The following TOX variants were observed in gnomAD, a reference collection of about 807,000 sequenced individuals.
TOX encodes the protein thymocyte selection associated high mobility group box.
In TOX, 11 loss-of-function variants were observed where a neutral mutation model predicts 53.7. That is an observed-to-expected ratio of 0.20 (90% confidence interval 0.13 to 0.34). The LOEUF (loss-of-function observed/expected upper bound fraction) is 0.34, where lower values mean the gene tolerates loss of function less well. TOX is among the 10% of genes least tolerant of loss of function. The pLI, the probability that TOX is intolerant of heterozygous loss-of-function variation, is 1.00. For synonymous variants in TOX, 225 were observed against 245.3 expected (o/e 0.92, Z 0.77); for missense variants, 570 against 664.6 (o/e 0.86, Z 1.56).
chr8:59,073,432 G>A (rs1049774140), intron 1 of TOX, among the ~76,000 whole-genome samples: 1 of 152,136 alleles, frequency 6.6e-6, no homozygotes, highest in Non-Finnish European at 1.5e-5. Context: ...ATCAAGCAAA[G>A]CCACACGAAA....
intron 3 of TOX, among the ~76,000 whole-genome samples, chr8:58,869,097 C>T (rs915865292): frequency 9.9e-5 from 15 of 151,680 alleles, no homozygotes; most frequent in Admixed American, 6.6e-4. Context: ...CATGGTGGTG[C>T]GTGCCTGTAG....
At chr8:59,040,385 G>C (rs1296498845) in intron 1 of TOX, among the ~76,000 whole-genome samples, 1 of 147,676 alleles carries the variant, frequency 6.8e-6, no homozygotes, top group Admixed American at 6.7e-5. Flanking sequence ...AGAAAATTCA[G>C]AGATGGAATT....
chr8:58,946,708 A>G (rs1313819577), intron 2 of TOX, among the ~76,000 whole-genome samples: 1 of 152,202 alleles, frequency 6.6e-6, no homozygotes, highest in East Asian at 1.9e-4. Context: ...TGTGCTCATT[A>G]ATTTTTTTAA....
At chr8:58,887,620 T>C (rs1811491812) in intron 3 of TOX, among the ~76,000 whole-genome samples, 1 of 152,020 alleles carries the variant, frequency 6.6e-6, no homozygotes, top group Admixed American at 6.6e-5. Context: ...TGTGCTTTGC[T>C]CTTCTTCAAC....
At chr8:59,062,104 T>G (rs1803996092) in intron 1 of TOX, among the ~76,000 whole-genome samples, 1 of 152,176 alleles carries the variant, frequency 6.6e-6, no homozygotes, top group South Asian at 2.1e-4. Flanking sequence ...GATTCTTCTT[T>G]AACAGAACCA....
At chr8:59,089,567 C>T (rs181833262) in intron 1 of TOX, among the ~76,000 whole-genome samples, 1 of 152,292 alleles carries the variant, frequency 6.6e-6, no homozygotes, top group African/African-American at 2.4e-5. Context: ...AAACGCAAGG[C>T]TGACTTAATC....
At chr8:58,988,831 G>C (rs1314908162) in intron 1 of TOX, among the ~76,000 whole-genome samples, 2 of 152,192 alleles carry the variant, frequency 1.3e-5, no homozygotes, top group African/African-American at 2.4e-5. Context: ...CATGCCTAGA[G>C]CCAAACCAAT....
intron 1 of TOX, among the ~76,000 whole-genome samples, chr8:58,968,436 T>A (rs1812942477): frequency 6.6e-6 from 1 of 152,194 alleles, no homozygotes; most frequent in African/African-American, 2.4e-5. Context: ...CAGTTTCAAA[T>A]GATTGGTTCA....
intron 5 of TOX, among the ~76,000 whole-genome samples, chr8:58,836,663 G>A (rs1350254100): frequency 6.6e-6 from 1 of 152,072 alleles, no homozygotes; most frequent in African/African-American, 2.4e-5. Flanking sequence ...GAGAATGGAG[G>A]GACCTGGAAG....
At chr8:59,034,710 C>T (rs1814422702) in intron 1 of TOX, among the ~76,000 whole-genome samples, 1 of 152,164 alleles carries the variant, frequency 6.6e-6, no homozygotes, top group African/African-American at 2.4e-5. Flanking sequence ...TCCCCTTTTG[C>T]ATTTGGATGT....
At chr8:58,830,480 C>T (rs867945807) in intron 5 of TOX, among the ~76,000 whole-genome samples, 19 of 152,208 alleles carry the variant, frequency 1.2e-4, no homozygotes, top group East Asian at 3.9e-4. Flanking sequence ...CGTTTTCATA[C>T]GCTTATAATC....
intron 1 of TOX, among the ~76,000 whole-genome samples, chr8:59,029,665 C>A (rs1814316133): frequency 6.6e-6 from 1 of 152,114 alleles, no homozygotes; most frequent in Non-Finnish European, 1.5e-5. Flanking sequence ...TAGCAATTTT[C>A]TGTTAGTACC....
chr8:58,994,004 C>T (rs865977647), intron 1 of TOX, among the ~76,000 whole-genome samples: 12 of 152,128 alleles, frequency 7.9e-5, no homozygotes, highest in Admixed American at 2.0e-4. Flanking sequence ...TCTATTTTCA[C>T]CTAGATCCAC....
At chr8:58,850,911 G>T (rs1810802831) in intron 4 of TOX, among the ~76,000 whole-genome samples, 3 of 152,074 alleles carry the variant, frequency 2.0e-5, no homozygotes, top group Admixed American at 2.0e-4. Flanking sequence ...AAGAAGAAAA[G>T]GTGGCTGACA....
intron 4 of TOX, among the ~76,000 whole-genome samples, chr8:58,839,098 G>A (rs190953513): frequency 4.3e-4 from 66 of 152,298 alleles, no homozygotes; most frequent in Admixed American, 1.5e-3. Flanking sequence ...TCTACGGAAT[G>A]CTGCCAGGAA....
intron 4 of TOX, among the ~76,000 whole-genome samples, chr8:58,850,502 T>C (rs1171222956): frequency 6.6e-6 from 1 of 152,204 alleles, no homozygotes; most frequent in Admixed American, 6.5e-5. Context: ...GTCTGACACT[T>C]AGCCTAGGGG....
At chr8:58,857,265 T>C (rs1810932006) in intron 3 of TOX, among the ~76,000 whole-genome samples, 2 of 152,200 alleles carry the variant, frequency 1.3e-5, no homozygotes, top group Non-Finnish European at 2.9e-5. Flanking sequence ...TAATTTCTCA[T>C]GTGTGTGTTC....
At chr8:58,893,953 A>G (rs1458479511) in intron 3 of TOX, among the ~76,000 whole-genome samples, 3 of 152,224 alleles carry the variant, frequency 2.0e-5, no homozygotes, top group African/African-American at 7.2e-5. Context: ...CCATCTATGA[A>G]CTAGATGTAT....
chr8:58,928,708 T>C (rs1018289665), intron 3 of TOX, among the ~76,000 whole-genome samples: 2 of 152,178 alleles, frequency 1.3e-5, no homozygotes, highest in Non-Finnish European at 2.9e-5. Context: ...TTGATAGCCT[T>C]AATAATACAG....
Sources: allele counts gnomAD v4.1 joint callset (sites outside exome capture counted in the v4.1 genomes callset), GRCh38; gene constraint gnomAD v4.1.1; transcripts MANE v1.5; gene names NCBI Gene and HGNC (gene_info 2026-07-23, HGNC 2026-07-21).